The following ACYP1 variants were observed in gnomAD, a reference collection of about 807,000 sequenced individuals.
The protein encoded by ACYP1 is acylphosphatase 1, also known as acylphosphatase-1.
ACYP1 carries 8 observed loss-of-function variants against 10.4 expected under a neutral mutation model. That is an observed-to-expected ratio of 0.77 (90% confidence interval 0.45 to 1.38). The LOEUF (loss-of-function observed/expected upper bound fraction) is 1.38. Among genes scored for constraint, ACYP1 ranks in the 40% most tolerant of loss-of-function variants. ACYP1 has a pLI of 0.00. For synonymous variants in ACYP1, 38 were observed against 40.8 expected (o/e 0.93, Z 0.26); for missense variants, 93 against 117.3 (o/e 0.79, Z 0.96).
chr14:75,064,205 G>A (rs1468429936), upstream of ACYP1: 10 of 172,622 alleles, frequency 5.8e-5, no homozygotes, highest in Non-Finnish European at 8.1e-5. Flanking sequence ...CAGGAACTCG[G>A]CTGGGCCTCC....
intron 2 of ACYP1, among the ~76,000 whole-genome samples, chr14:75,058,593 AC>A (rs1243891758): frequency 3.3e-5 from 5 of 151,242 alleles, no homozygotes; most frequent in African/African-American, 1.2e-4. Context: ...ATTATGTCCC[AC>A]TTTCAACACT....
intron 2 of ACYP1, among the ~76,000 whole-genome samples, chr14:75,061,211 T>C (rs1486787086): frequency 1.3e-5 from 2 of 152,196 alleles, no homozygotes; most frequent in Non-Finnish European, 2.9e-5. Flanking sequence ...TTTGGGATGA[T>C]GAAAATGTTC....
upstream of ACYP1, among the ~76,000 whole-genome samples, chr14:75,067,224 C>T (rs61980802): frequency 0.52 from 72,842 of 140,190 alleles, 18,360 homozygotes; most frequent in East Asian, 0.85. Flanking sequence ...CACACACACA[C>T]ACATATATAT....
chr14:75,053,668 G>A lies in ACYP1; in HGVS notation c.85-9C>T. ...AGCTTTTTACCCTCAGCCTAAGGGG[G>A]GTAAAAAGAGAGAGAGATCCAGTGA... On this transcript the variant is annotated splice_polypyrimidine_tract_variant and intron_variant, in intron 2 of 2. Coordinates refer to ENST00000238618, the MANE Select transcript of ACYP1 (RefSeq NM_001107.5). The A allele has an allele frequency of 6.2e-7, 1 of 1,611,212 alleles. No individual in the cohort carries two copies. Among genetic ancestry groups the A allele is most frequent in the South Asian group, 1.1e-5 (1 of 90,730 alleles).
In ACYP1 at chr14:75,069,429, C is replaced by T. The variant is rs530013947; in HGVS notation, c.-138G>A. 5 of 671,746 alleles carry T rather than the reference C, an allele frequency of 7.4e-6. No homozygotes were observed. The African/African-American group carries it at 9.7e-5, about 13-fold the overall frequency. The allele number at this position is 671,746 out of a possible 1,614,324, so 41.6% of individuals were successfully genotyped here. A position where few individuals can be genotyped will look rare whatever the true frequency, so the allele number is the denominator to read the frequency against. On this transcript the variant is annotated 5_prime_UTR_variant, in exon 1 of 3. Transcript: ENST00000555463. ...AGGAGCTCCAGAAAAGCCTCTCCCG[C>T]CCCTCCCCGGCTCCCCAAGGGCAGG...
At chr14:75,067,162 A>T (rs527367969), upstream of ACYP1, among the ~76,000 whole-genome samples, 1 of 150,542 alleles carries the variant, frequency 6.6e-6, no homozygotes, top group Non-Finnish European at 1.5e-5. Flanking sequence ...GAAATCATTA[A>T]AGAAGAGAAT....
At position 75,063,934 on chromosome 14, in the gene ACYP1, G is replaced by A; in HGVS notation, c.-9+20C>T. On this transcript the variant is annotated intron_variant, in intron 1 of 2. Coordinates refer to ENST00000238618, the MANE Select transcript of ACYP1 (RefSeq NM_001107.5). ...CTAATCGACCTGAGAAGCACACCCT[G>A]GGGGCCCCTGGCGGCTCACCCTCCT... 1 of 1,001,660 alleles carries A rather than the reference G, an allele frequency of 1.0e-6. No individual in the cohort carries two copies. The highest frequency in any genetic ancestry group is 1.2e-6 in the Non-Finnish European group (1 of 838,998). The allele number at this position is 1,001,660 out of a possible 1,614,324, so 62.0% of individuals were successfully genotyped here.
chr14:75,066,012 C>T (rs1893136563), upstream of ACYP1, among the ~76,000 whole-genome samples: 1 of 152,192 alleles, frequency 6.6e-6, no homozygotes, highest in African/African-American at 2.4e-5. Context: ...GCTTGTGCAT[C>T]AGGATCTTTG....
At chr14:75,067,276 G>C (rs1335547757), upstream of ACYP1, among the ~76,000 whole-genome samples, 1 of 151,902 alleles carries the variant, frequency 6.6e-6, no homozygotes, top group Non-Finnish European at 1.5e-5. Context: ...TTAGGGAGTA[G>C]ATGGGGAAAA....
intron 2 of ACYP1, among the ~76,000 whole-genome samples, chr14:75,062,659 C>CA (rs534860020): frequency 0.037 from 3,853 of 103,316 alleles, 101 homozygotes; most frequent in East Asian, 0.21. Flanking sequence ...ACTAAAAATA[C>CA]AAAAAAAAAA....
intron 2 of ACYP1, among the ~76,000 whole-genome samples, chr14:75,056,223 C>G (rs930608084): frequency 1.3e-5 from 2 of 151,172 alleles, no homozygotes; most frequent in Admixed American, 6.6e-5. Flanking sequence ...TTCACAAACT[C>G]TTCCAAAAAA....
intron 2 of ACYP1, among the ~76,000 whole-genome samples, chr14:75,054,575 A>G (rs1172311332): frequency 6.6e-6 from 1 of 151,634 alleles, no homozygotes; most frequent in Non-Finnish European, 1.5e-5. Context: ...GTTGGATTAC[A>G]AAAGAAAATG....
chr14:75,061,827 C>T lies in ACYP1; in HGVS notation c.84+1643G>A, dbSNP rs1160632630. On this transcript the variant is annotated intron_variant, in intron 2 of 2. Coordinates refer to ENST00000238618, the MANE Select transcript of ACYP1 (RefSeq NM_001107.5). ...ATTAGAAAAAGAGGTATTGGCCGGG[C>T]ACAGTGGCTCACACCTGTAATCCCA... 5 of 1,207,214 alleles carry T rather than the reference C, an allele frequency of 4.1e-6. No homozygotes were observed. In the South Asian group the frequency reaches 7.2e-5, roughly 17 times the overall value. The allele number at this position is 1,207,214 out of a possible 1,614,324, so 74.8% of individuals were successfully genotyped here.
At chr14:75,056,583 A>G (rs1049007995) in intron 2 of ACYP1, among the ~76,000 whole-genome samples, 27 of 151,374 alleles carry the variant, frequency 1.8e-4, no homozygotes, top group African/African-American at 6.4e-4. Flanking sequence ...AAAACAACCA[A>G]AAAACCATAG....
At chr14:75,060,101 A>G in intron 2 of ACYP1, 1 of 502,924 alleles carries the variant, frequency 2.0e-6, no homozygotes, top group Non-Finnish European at 3.5e-6. Context: ...AATAATTTCT[A>G]TGTTATATGT....
chr14:75,061,785 G>T, intron 2 of ACYP1: 2 of 1,531,548 alleles, frequency 1.3e-6, no homozygotes, highest in Non-Finnish European at 8.9e-7. Context: ...CAGATGGGAA[G>T]AAATGATTTT....
At chr14:75,069,206 A>G (rs1893230842) in intron 1 of ACYP1, 2 of 1,516,444 alleles carry the variant, frequency 1.3e-6, no homozygotes, top group African/African-American at 2.9e-5. Context: ...GCGTGCAGCC[A>G]TACCTGGGGC....
upstream of ACYP1, among the ~76,000 whole-genome samples, chr14:75,068,468 AGAG>A (rs377615604): frequency 5.8e-4 from 88 of 152,180 alleles, 1 homozygote; most frequent in South Asian, 5.6e-3. Context: ...TCTTTCTCAT[AGAG>A]GAGAGGGAAG....
rs779361334 is a variant in ACYP1 at position 75,053,572 on chromosome 14, T to C, written c.172A>G (p.Lys58Glu). The C allele has an allele frequency of 5.0e-6, 8 of 1,614,012 alleles. No individual in the cohort carries two copies. In the South Asian group the frequency reaches 7.7e-5, roughly 16 times the overall value. Residue 58 changes from lysine to glutamate, a missense_variant, in exon 3 of 3, where the codon AAG (lysine) becomes GAG (glutamate). Lys to Glu is a moderately conservative substitution (Grantham distance 56). Coordinates refer to ENST00000238618, the MANE Select transcript of ACYP1 (RefSeq NM_001107.5). ...VQGQLQGPIS[K>E]VRHMQEWLET... Reference sequence around the variant, plus strand: ...AGCCATTCCTGCATATGACGCACCTTGGAGATGGGACCTTGCAATTGTCCT... The same window carrying C: ...AGCCATTCCTGCATATGACGCACCTCGGAGATGGGACCTTGCAATTGTCCT...
Sources: gnomAD v4.1 joint callset for allele counts (sites outside exome capture counted in the v4.1 genomes callset) on GRCh38, gnomAD v4.1.1 for gene constraint, MANE v1.5 for transcripts, NCBI Gene and HGNC (gene_info 2026-07-23, HGNC 2026-07-21) for gene names.